Variants in RNF150 observed in about 807,000 individuals in gnomAD.
RNF150 encodes ring finger protein 150.
RNF150 carries 24 observed loss-of-function variants against 39.3 expected under a neutral mutation model. The observed-to-expected ratio is 0.61, with a 90% CI of 0.44 to 0.86. The LOEUF (loss-of-function observed/expected upper bound fraction) is 0.86, where lower values mean the gene tolerates loss of function less well. RNF150 is among the 40% of genes least tolerant of loss of function. The probability of loss-of-function intolerance (pLI) is 0.00; values close to 1 mark genes in which losing one functional copy is unlikely to be tolerated. For synonymous variants in RNF150, 255 were observed against 227.3 expected (o/e 1.12, Z -1.10); for missense variants, 502 against 587.8 (o/e 0.85, Z 1.51).
chr4:141,112,817 A>T (rs1229414232), intron 1 of RNF150, among the ~76,000 whole-genome samples: 2 of 151,696 alleles, frequency 1.3e-5, no homozygotes, highest in Non-Finnish European at 2.9e-5. Context: ...CCGGAAGTGT[A>T]TTTTCCAACT....
chr4:140,976,924 T>C (rs1317952945), intron 1 of RNF150, among the ~76,000 whole-genome samples: 1 of 152,080 alleles, frequency 6.6e-6, no homozygotes, highest in East Asian at 1.9e-4. Flanking sequence ...CCTGCTTTCC[T>C]CTATTTTGGA....
intron 1 of RNF150, among the ~76,000 whole-genome samples, chr4:141,148,741 C>T (rs1727244743): frequency 6.6e-6 from 1 of 152,142 alleles, no homozygotes; most frequent in African/African-American, 2.4e-5. Flanking sequence ...ACGCCCAGCG[C>T]TTTTCACTCT....
chr4:141,126,777 T>C (rs1202931307), intron 1 of RNF150, among the ~76,000 whole-genome samples: 1 of 152,202 alleles, frequency 6.6e-6, no homozygotes, highest in Non-Finnish European at 1.5e-5. Flanking sequence ...GAATAAATTT[T>C]AGAGCTGAAA....
chr4:140,923,962 G>C (rs1731273553), intron 5 of RNF150, among the ~76,000 whole-genome samples: 1 of 151,958 alleles, frequency 6.6e-6, no homozygotes, highest in Admixed American at 6.6e-5. Flanking sequence ...CACACACTGG[G>C]GCCTGTTGTG....
chr4:141,069,895 G>A lies in RNF150; in HGVS notation c.484+62430C>T, dbSNP rs573424089. ...GATGGTAGTTTGTATTTGTGGGATCGGTGGTGATATCCCCTTTATCATTTT... is the reference window on the plus strand; with the variant it reads ...GATGGTAGTTTGTATTTGTGGGATCAGTGGTGATATCCCCTTTATCATTTT... On this transcript the variant is annotated intron_variant, in intron 1 of 6. Coordinates refer to ENST00000515673, the MANE Select transcript of RNF150 (RefSeq NM_020724.2). 4.8e-4 allele frequency among the ~76,000 whole-genome samples: 73 copies of A among 152,192 alleles called. 1 individual carries two copies. Among genetic ancestry groups the A allele is most frequent in the Middle Eastern group, 3.4e-3 (1 of 294 alleles).
intron 1 of RNF150, among the ~76,000 whole-genome samples, chr4:141,113,456 C>A (rs1423468235): frequency 6.6e-6 from 1 of 151,550 alleles, no homozygotes; most frequent in African/African-American, 2.4e-5. Context: ...ATCAATGCAA[C>A]AAGAAGGGCT....
chr4:141,068,151 G>A (rs1323607193), intron 1 of RNF150, among the ~76,000 whole-genome samples: 1 of 152,056 alleles, frequency 6.6e-6, no homozygotes, highest in Non-Finnish European at 1.5e-5. Flanking sequence ...CACCATGTGG[G>A]ACAGGCTGCT....
At chr4:141,158,762 T>C (rs999545239) in intron 1 of RNF150, among the ~76,000 whole-genome samples, 2 of 141,290 alleles carry the variant, frequency 1.4e-5, no homozygotes, top group African/African-American at 5.1e-5. Context: ...CCAACCCACA[T>C]TGTTATATTC....
In RNF150 at chr4:141,053,927, T is replaced by A. The variant is rs1029781526; in HGVS notation, c.484+78398A>T. On this transcript the variant is annotated intron_variant, in intron 1 of 6. Transcript: ENST00000515673. Reference sequence around the variant, plus strand: ...TGCAAGCACCTGATCTGTGAGAGAATTGAGATGTCCTATATTTGGCTATAC... The same window carrying A: ...TGCAAGCACCTGATCTGTGAGAGAAATGAGATGTCCTATATTTGGCTATAC... 2.0e-5 allele frequency among the ~76,000 whole-genome samples: 3 copies of A among 152,266 alleles called. No individual in the cohort carries two copies. In the East Asian group the frequency reaches 5.8e-4, roughly 29 times the overall value.
intron 1 of RNF150, among the ~76,000 whole-genome samples, chr4:141,100,063 T>C (rs1738952388): frequency 6.6e-6 from 1 of 152,104 alleles, no homozygotes; most frequent in Admixed American, 6.6e-5. Context: ...CTTAGAATGC[T>C]AAAAAAATTT....
intron 4 of RNF150, among the ~76,000 whole-genome samples, chr4:140,929,530 C>A (rs1466399937): frequency 1.3e-5 from 2 of 151,894 alleles, no homozygotes; most frequent in Non-Finnish European, 2.9e-5. Flanking sequence ...CCACGCCCAG[C>A]TAATTTTCTG....
chr4:141,133,089 AGTCCTGCTGCCGAGC>A lies in RNF150; in HGVS notation c.-296_-282del, dbSNP rs1206367154. 3.2e-4 allele frequency: 120 copies of A among 371,668 alleles called. No homozygotes were observed. In the East Asian group the frequency reaches 7.5e-3, roughly 23 times the overall value. 23.0% of individuals were successfully genotyped at this position (371,668 alleles called of 1,614,324 possible). ...AGAGGGCCCGCGGGGCTTGCGGAGG[AGTCCTGCTGCCGAGC>A]GTCCTGCTCCTTCGCCCGGCTTCGC... is the stretch of plus-strand genomic sequence containing the variant. On this transcript the variant is annotated 5_prime_UTR_variant, in exon 1 of 7. Coordinates refer to ENST00000515673, the MANE Select transcript of RNF150 (RefSeq NM_020724.2).
intron 4 of RNF150, among the ~76,000 whole-genome samples, chr4:140,942,574 G>A (rs560389254): frequency 6.6e-6 from 1 of 151,950 alleles, no homozygotes; most frequent in African/African-American, 2.4e-5. Context: ...TTACAAAATG[G>A]AACTATATGC....
At chr4:140,925,441 G>C (rs1731355230) in intron 5 of RNF150, among the ~76,000 whole-genome samples, 1 of 152,178 alleles carries the variant, frequency 6.6e-6, no homozygotes, top group South Asian at 2.1e-4. Flanking sequence ...GCATTAAGTA[G>C]CTCTGGCTCT....
At position 141,002,369 on chromosome 4, in the gene RNF150, C is replaced by A. The variant is rs546331410; in HGVS notation, c.485-34496G>T. ...TATCAACAGCCTCTCATTCTAAGAA[C>A]AGATCTATGATGTCAACCCTTAATC... On this transcript the variant is annotated intron_variant, in intron 1 of 6. Coordinates refer to ENST00000515673, the MANE Select transcript of RNF150 (RefSeq NM_020724.2). Among the ~76,000 whole-genome samples the A allele has an allele frequency of 3.7e-4, 57 of 152,068 alleles. 1 individual carries two copies. Among genetic ancestry groups the A allele is most frequent in the Admixed American group, 1.8e-3 (28 of 15,268 alleles).
At chr4:141,099,707 G>C (rs575548160) in intron 1 of RNF150, among the ~76,000 whole-genome samples, 1 of 152,182 alleles carries the variant, frequency 6.6e-6, no homozygotes, top group African/African-American at 2.4e-5. Context: ...AGAGATGTCA[G>C]TCTGAACACA....
At chr4:141,047,475 G>A (rs1736624231) in intron 1 of RNF150, among the ~76,000 whole-genome samples, 2 of 152,020 alleles carry the variant, frequency 1.3e-5, no homozygotes. Context: ...GTGACTCATA[G>A]GATAAACTTT....
intron 1 of RNF150, among the ~76,000 whole-genome samples, chr4:140,974,265 G>T (rs1266775578): frequency 6.6e-6 from 1 of 152,086 alleles, no homozygotes; most frequent in African/African-American, 2.4e-5. Flanking sequence ...GAATCATATG[G>T]TATGTGATCC....
At chr4:141,160,215 TA>T (rs751200888) in intron 1 of RNF150, among the ~76,000 whole-genome samples, 6 of 152,000 alleles carry the variant, frequency 3.9e-5, no homozygotes, top group Admixed American at 2.6e-4. Context: ...TACCATAAGA[TA>T]AGGAAAGGAA....
Sources: allele counts gnomAD v4.1 joint callset (sites outside exome capture counted in the v4.1 genomes callset), GRCh38; gene constraint gnomAD v4.1.1; transcripts MANE v1.5; gene names NCBI Gene and HGNC (gene_info 2026-07-23, HGNC 2026-07-21).